Variants in ASXL1 observed in about 807,000 individuals in gnomAD.
The protein encoded by ASXL1 is ASXL transcriptional regulator 1, also known as polycomb group protein ASXL1.
ASXL1 carries 65 observed loss-of-function variants against 89.1 expected under a neutral mutation model. That is an observed-to-expected ratio of 0.73 (90% CI 0.60 to 0.90). ASXL1 has a LOEUF of 0.90. Ranked by LOEUF, ASXL1 falls within the 40% of genes least tolerant of loss-of-function variation. The probability of loss-of-function intolerance (pLI) is 0.00; values close to 1 mark genes in which losing one functional copy is unlikely to be tolerated. For synonymous variants in ASXL1, 739 were observed against 746.9 expected (o/e 0.99, Z 0.17); for missense variants, 1,786 against 1,942.9 (o/e 0.92, Z 1.52).
intron 4 of ASXL1, among the ~76,000 whole-genome samples, chr20:32,370,654 A>T (rs1181737640): frequency 6.6e-6 from 1 of 152,186 alleles, no homozygotes; most frequent in Non-Finnish European, 1.5e-5. Flanking sequence ...CTGTATTCAA[A>T]ATAAATACCT....
intron 4 of ASXL1, among the ~76,000 whole-genome samples, chr20:32,393,672 A>G (rs185028479): frequency 6.6e-6 from 1 of 151,812 alleles, no homozygotes; most frequent in African/African-American, 2.4e-5. Flanking sequence ...GGGTTTCACC[A>G]TATTGGCCAG....
At chr20:32,432,786 G>C in intron 10 of ASXL1, 94 bp from the exon 11 acceptor site, 1 of 1,442,030 alleles carries the variant, frequency 6.9e-7, no homozygotes, top group South Asian at 1.2e-5. Context: ...CTTTAGAAGA[G>C]ACGTGTTGTT....
intron 4 of ASXL1, among the ~76,000 whole-genome samples, chr20:32,396,129 G>A (rs2048758921): frequency 6.6e-6 from 1 of 152,104 alleles, no homozygotes; most frequent in Non-Finnish European, 1.5e-5. Flanking sequence ...ATATTTCTCT[G>A]CTTAACGTGC....
At chr20:32,414,193 G>C (rs1224853798) in intron 4 of ASXL1, among the ~76,000 whole-genome samples, 1 of 152,096 alleles carries the variant, frequency 6.6e-6, no homozygotes, top group Non-Finnish European at 1.5e-5. Flanking sequence ...ATTAAACTCG[G>C]AAACTGGAGT....
intron 2 of ASXL1, 125 bp from the exon 3 acceptor site, chr20:32,367,602 C>T (rs2048227650): frequency 1.4e-6 from 1 of 730,266 alleles, no homozygotes; most frequent in Non-Finnish European, 2.5e-6. Flanking sequence ...AGATTGTCTA[C>T]ATCACATTTA....
At position 32,429,490 on chromosome 20, in the gene ASXL1, C is replaced by G; in HGVS notation, c.565+59C>G. ...CTCAGGTCCTGGGGACCTGGCCTCC[C>G]TCTGTCAGCAGTTTCTGACCTAATA... On this transcript the variant is annotated intron_variant, in intron 7 of 12. Transcript: ENST00000375687. The surrounding 1 kb of genome is among the most constrained non-coding windows in gnomAD (Gnocchi z 4.9). 1 of 1,536,680 alleles carries G rather than the reference C, an allele frequency of 6.5e-7. No homozygotes were observed. Among genetic ancestry groups the G allele is most frequent in the Non-Finnish European group, 9.0e-7 (1 of 1,110,222 alleles).
At chr20:32,372,139 A>G in intron 4 of ASXL1, 1 of 1,346,546 alleles carries the variant, frequency 7.4e-7, no homozygotes, top group Non-Finnish European at 9.9e-7. Context: ...GAACTGAATT[A>G]TATTTCTTCA....
intron 4 of ASXL1, among the ~76,000 whole-genome samples, chr20:32,376,727 G>A (rs957818153): frequency 1.3e-5 from 2 of 149,862 alleles, no homozygotes; most frequent in African/African-American, 2.4e-5. Context: ...TTTCTCCTCC[G>A]TACTTGGAAA....
At chr20:32,407,369 T>C (rs2048973430) in intron 4 of ASXL1, among the ~76,000 whole-genome samples, 1 of 152,042 alleles carries the variant, frequency 6.6e-6, no homozygotes, top group African/African-American at 2.4e-5. Flanking sequence ...AATTGAAATA[T>C]ATGTATACAC....
At chr20:32,417,809 G>A (rs975898506) in intron 4 of ASXL1, among the ~76,000 whole-genome samples, 19 of 152,078 alleles carry the variant, frequency 1.2e-4, no homozygotes, top group African/African-American at 3.4e-4. Context: ...ACTTGAGGCT[G>A]AGGAGGGTGG....
intron 4 of ASXL1, among the ~76,000 whole-genome samples, chr20:32,417,599 T>C (rs1481618190): frequency 6.6e-6 from 1 of 152,226 alleles, no homozygotes; most frequent in Non-Finnish European, 1.5e-5. Context: ...TTAATTCTTC[T>C]TTAGGATTTT....
rs530763476 is a variant in ASXL1 at position 32,358,494 on chromosome 20, C to T, written c.-282C>T. ...CCTCTGACCCCGTGGTTATGCGGAG[C>T]CGCCGCATTCCTTAGCGATCGCGGG... On this transcript the variant is annotated 5_prime_UTR_variant, in exon 1 of 13. Transcript: ENST00000375687. 2,041 of 230,060 alleles carry T rather than the reference C, an allele frequency of 8.9e-3. 22 individuals carry two copies. The highest frequency in any genetic ancestry group is 0.011 in the Non-Finnish European group (1,299 of 116,196). The allele number at this position is 230,060 out of a possible 1,614,324, so 14.3% of individuals were successfully genotyped here.
intron 4 of ASXL1, among the ~76,000 whole-genome samples, chr20:32,387,158 T>A (rs1432319791): frequency 1.3e-5 from 2 of 151,902 alleles, no homozygotes; most frequent in South Asian, 2.1e-4. Flanking sequence ...AAACAAAAAT[T>A]AACTGGGCAT....
At chr20:32,371,793 A>G (rs747497210) in intron 4 of ASXL1, 1 of 449,598 alleles carries the variant, frequency 2.2e-6, no homozygotes, top group Non-Finnish European at 4.5e-6. Context: ...AAGTCTTGCT[A>G]TGTTGGTTAA....
chr20:32,437,018 A>G lies in ASXL1; in HGVS notation c.4306A>G (p.Ile1436Val), dbSNP rs779722479. 6.2e-7 allele frequency: 1 copy of G among 1,614,022 alleles called. No homozygotes were observed. Among genetic ancestry groups the G allele is most frequent in the Admixed American group, 1.7e-5 (1 of 60,008 alleles). Residue 1436 changes from isoleucine to valine, a missense_variant, in exon 13 of 13, where the codon ATC becomes GTC. This residue lies in a region of ASXL1 where 1,418 missense variants were observed against 1,427.8 expected (regional missense o/e 0.99). Coordinates refer to ENST00000375687, the MANE Select transcript of ASXL1 (RefSeq NM_015338.6). The part of the protein sequence containing the change: ...EPSSLPSQLS[I>V]KQAFYGKLSK... ...TTCTTCTCTCCCCTCCCAACTCAGC[A>G]TCAAGCAGGCATTTTATGGGAAGCT...
At chr20:32,394,425 C>T (rs955915459) in intron 4 of ASXL1, among the ~76,000 whole-genome samples, 1 of 152,306 alleles carries the variant, frequency 6.6e-6, no homozygotes, top group Admixed American at 6.5e-5. Context: ...GAGTGAGCTA[C>T]GCCATGCCTG....
chr20:32,423,268 C>T (rs1327777074), intron 4 of ASXL1, among the ~76,000 whole-genome samples: 1 of 151,568 alleles, frequency 6.6e-6, no homozygotes, highest in Non-Finnish European at 1.5e-5. Context: ...CTCACTCTGT[C>T]GCCCTGGCTG....
intron 4 of ASXL1, among the ~76,000 whole-genome samples, chr20:32,390,386 C>G (rs80005606): frequency 6.6e-6 from 1 of 152,118 alleles, no homozygotes; most frequent in Non-Finnish European, 1.5e-5. Flanking sequence ...TTTTAAAATA[C>G]AGGAAATTCA....
intron 2 of ASXL1, among the ~76,000 whole-genome samples, chr20:32,367,077 T>TAA (rs11478048): frequency 5.9e-5 from 8 of 134,874 alleles, no homozygotes; most frequent in Admixed American, 2.2e-4. Context: ...ACTTCAAACT[T>TAA]AAAAAAAAAA....
Sources: gnomAD v4.1 joint callset for allele counts (sites outside exome capture counted in the v4.1 genomes callset) on GRCh38, gnomAD v4.1.1 for gene constraint, gnomAD v4.1.1 regional missense constraint, Gnocchi (gnomAD v3.1) non-coding constraint, MANE v1.5 for transcripts, NCBI Gene and HGNC (gene_info 2026-07-23, HGNC 2026-07-21) for gene names.